GRIN2A: variants seen among roughly 807,000 people sequenced by gnomAD.
GRIN2A encodes glutamate receptor ionotropic, NMDA 2A.
In GRIN2A, 22 loss-of-function variants were observed where a neutral mutation model predicts 113.4. That is an observed-to-expected ratio of 0.19 (90% CI 0.14 to 0.28). The LOEUF (loss-of-function observed/expected upper bound fraction) is 0.28. Ranked by LOEUF, GRIN2A falls within the 10% of genes least tolerant of loss-of-function variation. GRIN2A has a pLI of 1.00. For synonymous variants in GRIN2A, 827 were observed against 738.4 expected, an observed-to-expected ratio of 1.12 and a Z score of -1.94; for missense variants, 1,502 against 1,887.0, an observed-to-expected ratio of 0.80 and a Z score of 3.78.
chr16:9,886,236 A>G (rs1030753497), intron 4 of GRIN2A, among the ~76,000 whole-genome samples: 2 of 152,232 alleles, frequency 1.3e-5, no homozygotes, highest in South Asian at 2.1e-4. Flanking sequence ...GAAAGGCTCC[A>G]ACTCTCTACC....
chr16:9,861,091 T>C (rs1383280371), intron 4 of GRIN2A, among the ~76,000 whole-genome samples: 1 of 152,226 alleles, frequency 6.6e-6, no homozygotes, highest in Non-Finnish European at 1.5e-5. Flanking sequence ...GAGTTCAGGC[T>C]GCCTGTGCTC....
chr16:9,766,523 C>T (rs569752226), intron 12 of GRIN2A, among the ~76,000 whole-genome samples: 1 of 152,322 alleles, frequency 6.6e-6, no homozygotes, highest in Admixed American at 6.5e-5. Flanking sequence ...GCATTACATC[C>T]TTTCCTGCAT....
intron 2 of GRIN2A, among the ~76,000 whole-genome samples, chr16:10,175,042 T>G: frequency 6.6e-6 from 1 of 152,228 alleles, no homozygotes; most frequent in East Asian, 1.9e-4. Flanking sequence ...CTCACCAATG[T>G]ATTACAGTTG....
At chr16:9,776,478 C>G (rs1202337013) in intron 11 of GRIN2A, among the ~76,000 whole-genome samples, 1 of 151,998 alleles carries the variant, frequency 6.6e-6, no homozygotes, top group Non-Finnish European at 1.5e-5. Context: ...AGTTTGTGAT[C>G]CACAGATCTG....
intron 2 of GRIN2A, among the ~76,000 whole-genome samples, chr16:10,051,419 G>C (rs897027109): frequency 1.3e-5 from 2 of 152,144 alleles, no homozygotes; most frequent in Admixed American, 6.5e-5. Flanking sequence ...ATGGGTGCAG[G>C]GCATTGCCTT....
intron 4 of GRIN2A, among the ~76,000 whole-genome samples, chr16:9,882,725 T>A (rs2043505208): frequency 6.6e-6 from 1 of 152,124 alleles, no homozygotes; most frequent in African/African-American, 2.4e-5. Context: ...AATTTGAGGC[T>A]GTAGTGGGAT....
At chr16:10,008,156 C>G (rs2046438181) in intron 2 of GRIN2A, among the ~76,000 whole-genome samples, 2 of 152,194 alleles carry the variant, frequency 1.3e-5, no homozygotes, top group Non-Finnish European at 1.5e-5. Flanking sequence ...GATCTGTCCT[C>G]TTGAGCCTTG....
chr16:9,833,984 TG>T, intron 8 of GRIN2A, 120 bp downstream of exon 8: 1 of 983,216 alleles, frequency 1.0e-6, no homozygotes, highest in Non-Finnish European at 1.6e-6. Flanking sequence ...CCCAAAGTGC[TG>T]GGATTACAGG....
In GRIN2A at chr16:9,813,521, CT is replaced by C. The variant is rs71380937; in HGVS notation, c.2168+8742del. On this transcript the variant is annotated intron_variant, in intron 10 of 12. Coordinates refer to ENST00000330684, the MANE Select transcript of GRIN2A (RefSeq NM_001134407.3). Reference sequence around the variant, plus strand: ...TTTCTTTTTAGTCTGTTTTTTTTGCCTTTTTTTTTTTTCCGTCTCTGAGTTT... The same window carrying C: ...TTTCTTTTTAGTCTGTTTTTTTTGCCTTTTTTTTTTTCCGTCTCTGAGTTT... 5.5e-3 allele frequency among the ~76,000 whole-genome samples: 785 copies of C among 142,352 alleles called. 7 individuals are homozygous for C. Among genetic ancestry groups the C allele is most frequent in the African/African-American group, 0.014 (564 of 39,102 alleles). The allele number at this position is 142,352 out of a possible 152,430, so 93.4% of individuals were successfully genotyped here.
At chr16:10,012,968 G>A (rs1338701779) in intron 2 of GRIN2A, among the ~76,000 whole-genome samples, 1 of 152,148 alleles carries the variant, frequency 6.6e-6, no homozygotes, top group African/African-American at 2.4e-5. Context: ...GCAAACAATT[G>A]TTGCAGTTCT....
At chr16:9,831,124 G>C (rs1370635323) in intron 8 of GRIN2A, among the ~76,000 whole-genome samples, 1 of 152,148 alleles carries the variant, frequency 6.6e-6, no homozygotes, top group Non-Finnish European at 1.5e-5. Context: ...CATTTCCCAA[G>C]AGTTGCCACA....
At chr16:9,928,949 T>C (rs2044527688) in intron 3 of GRIN2A, among the ~76,000 whole-genome samples, 1 of 152,226 alleles carries the variant, frequency 6.6e-6, no homozygotes, top group Non-Finnish European at 1.5e-5. Flanking sequence ...CCTACTACGA[T>C]GTCTATCATG....
At chr16:9,880,824 C>T (rs2043464924) in intron 4 of GRIN2A, among the ~76,000 whole-genome samples, 1 of 152,196 alleles carries the variant, frequency 6.6e-6, no homozygotes, top group South Asian at 2.1e-4. Context: ...TCCATACAAA[C>T]GCCCTTGATT....
chr16:9,915,798 G>A lies in GRIN2A; in HGVS notation c.1007+22161C>T, dbSNP rs576634339. 3.9e-5 allele frequency among the ~76,000 whole-genome samples: 6 copies of A among 152,236 alleles called. No homozygotes were observed. In the East Asian group the frequency reaches 9.6e-4, roughly 24 times the overall value. ...TGTTATTTCACCTCTTTGAGCCTCCGTTTTTTCATCTGTTAAATGGAGATA... is the reference window on the plus strand; with the variant it reads ...TGTTATTTCACCTCTTTGAGCCTCCATTTTTTCATCTGTTAAATGGAGATA... On this transcript the variant is annotated intron_variant, in intron 3 of 12. Transcript: ENST00000330684.
chr16:9,849,738 A>G lies in GRIN2A; in HGVS notation c.1328+18T>C. On this transcript the variant is annotated intron_variant, in intron 5 of 12. Coordinates refer to ENST00000330684, the MANE Select transcript of GRIN2A (RefSeq NM_001134407.3). Reference sequence around the variant, plus strand: ...AAAGGGTTGGGCACGTTCAGGTGACAGCATTCCTGCCACTCACTTGATTTT... The same window carrying G: ...AAAGGGTTGGGCACGTTCAGGTGACGGCATTCCTGCCACTCACTTGATTTT... 1 of 1,599,562 alleles carries G rather than the reference A, an allele frequency of 6.3e-7. No homozygotes were observed. Among genetic ancestry groups the G allele is most frequent in the Non-Finnish European group, 8.6e-7 (1 of 1,166,736 alleles).
chr16:10,179,946 A>G, intron 2 of GRIN2A, 52 bp downstream of exon 2: 2 of 1,224,386 alleles, frequency 1.6e-6, no homozygotes, highest in Non-Finnish European at 1.1e-6. Context: ...AGCAGCTGCC[A>G]TGCAGCTGGT....
intron 5 of GRIN2A, 62 bp downstream of exon 5, chr16:9,849,694 C>G (rs1420766374): frequency 3.4e-6 from 4 of 1,183,148 alleles, no homozygotes; most frequent in Non-Finnish European, 5.1e-6. Context: ...TTGTTACTAT[C>G]GATGATCCAT....
intron 10 of GRIN2A, among the ~76,000 whole-genome samples, chr16:9,807,411 A>G: frequency 2.4e-5 from 3 of 126,590 alleles, no homozygotes; most frequent in South Asian, 2.6e-4. Flanking sequence ...GGAGGGAGAG[A>G]AAGGAGAGAC....
At chr16:9,807,781 G>C (rs992027487) in intron 10 of GRIN2A, among the ~76,000 whole-genome samples, 5 of 152,180 alleles carry the variant, frequency 3.3e-5, no homozygotes, top group Non-Finnish European at 5.9e-5. Context: ...CTGGGATGCA[G>C]GGTCAGAGAA....
Sources: gnomAD v4.1 joint callset for allele counts (sites outside exome capture counted in the v4.1 genomes callset) on GRCh38, gnomAD v4.1.1 for gene constraint, MANE v1.5 for transcripts, NCBI Gene and HGNC (gene_info 2026-07-23, HGNC 2026-07-21) for gene names.